PLAC8L1: variants seen among roughly 807,000 people sequenced by gnomAD.
PLAC8L1 encodes the protein PLAC8 like 1.
A neutral mutation model predicts 16.3 loss-of-function variants in PLAC8L1; 13 were observed. The observed-to-expected ratio is 0.80, with a 90% CI of 0.52 to 1.27. The LOEUF is 1.27. Ranked by LOEUF, PLAC8L1 falls within the 50% of genes most tolerant of loss-of-function variation. PLAC8L1 has a pLI of 0.00. For missense variants in PLAC8L1, 184 were observed against 220.2 expected, an observed-to-expected ratio of 0.84 and a Z score of 1.04; for synonymous variants, 78 against 79.3, an observed-to-expected ratio of 0.98 and a Z score of 0.09.
intron 2 of PLAC8L1, among the ~76,000 whole-genome samples, chr5:146,086,713 C>T (rs1296487548): frequency 1.3e-5 from 2 of 152,088 alleles, no homozygotes; most frequent in African/African-American, 4.8e-5. Flanking sequence ...TTCATGTATC[C>T]ACTGAAAATT....
At chr5:146,087,013 T>C (rs1300955117) in intron 2 of PLAC8L1, among the ~76,000 whole-genome samples, 1 of 152,088 alleles carries the variant, frequency 6.6e-6, no homozygotes, top group Non-Finnish European at 1.5e-5. Flanking sequence ...AGAGCTCCTG[T>C]GTCCTTTTCC....
intron 2 of PLAC8L1, among the ~76,000 whole-genome samples, chr5:146,094,001 ACT>A (rs758083355): frequency 6.0e-5 from 9 of 150,844 alleles, no homozygotes; most frequent in Non-Finnish European, 1.2e-4. Flanking sequence ...CTTTCATAAC[ACT>A]CTGTTTAATT....
intron 1 of PLAC8L1, chr5:146,103,678 A>T: frequency 1.0e-6 from 1 of 985,316 alleles, no homozygotes; most frequent in Non-Finnish European, 1.2e-6. Context: ...GATGGATGAG[A>T]TACATACTTT....
In PLAC8L1 at chr5:146,084,327, T is replaced by C; in HGVS notation, c.*105A>G. The C allele has an allele frequency of 2.2e-6, 3 of 1,390,222 alleles. No homozygotes were observed. Among genetic ancestry groups the C allele is most frequent in the Non-Finnish European group, 3.0e-6 (3 of 1,016,646 alleles). 86.1% of individuals were successfully genotyped at this position (1,390,222 alleles called of 1,614,324 possible). Reference sequence around the variant, plus strand: ...AGTAGAGACAGTAGGGGGGAAATCATTTATTTTCATACCATTTCAGTAAAA... The same window carrying C: ...AGTAGAGACAGTAGGGGGGAAATCACTTATTTTCATACCATTTCAGTAAAA... On this transcript the variant is annotated 3_prime_UTR_variant, in exon 4 of 4. Transcript: ENST00000311450.
intron 3 of PLAC8L1, 146 bp from the exon 4 acceptor site, chr5:146,084,718 G>T: frequency 9.8e-7 from 1 of 1,024,380 alleles, no homozygotes; most frequent in Non-Finnish European, 1.4e-6. Context: ...GGGACACTAA[G>T]TTGCATAAGT....
At chr5:146,103,965 A>C in intron 1 of PLAC8L1, 1 of 985,450 alleles carries the variant, frequency 1.0e-6, no homozygotes, top group Non-Finnish European at 1.2e-6. Context: ...ACATTTTAAG[A>C]ATAAAGAGAT....
At chr5:146,085,821 C>A (rs1007571445) in intron 2 of PLAC8L1, among the ~76,000 whole-genome samples, 8 of 152,112 alleles carry the variant, frequency 5.3e-5, no homozygotes, top group Non-Finnish European at 8.8e-5. Flanking sequence ...CAAAGATGAA[C>A]CTGATACAAT....
intron 1 of PLAC8L1, chr5:146,103,800 T>C (rs535567096): frequency 3.0e-6 from 3 of 985,438 alleles, no homozygotes; most frequent in African/African-American, 1.7e-5. Context: ...TCTTCCGTAA[T>C]CACACTTGGA....
rs759177823 is a variant in PLAC8L1 at position 146,104,223 on chromosome 5, G to A, written c.89C>T (p.Ser30Phe). The change falls in exon 1 of 4, where the codon TCT (serine) becomes TTT (phenylalanine). Residue 30 changes from serine (S) to phenylalanine (F), a missense_variant. Transcript: ENST00000311450. ...GTTGGAAATAAAATGTTCATCTTCA[G>A]ATGACATGTGTGACAACAGAGGTGA... ...IYSPLLSHMSSEDEHFISNLR... is the reference protein window; with the variant it reads ...IYSPLLSHMSFEDEHFISNLR... 4.3e-6 allele frequency: 7 copies of A among 1,613,876 alleles called. No individual in the cohort carries two copies. The highest frequency in any genetic ancestry group is 5.9e-6 in the Non-Finnish European group (7 of 1,179,866).
chr5:146,097,216 T>G (rs1464819807), intron 2 of PLAC8L1, among the ~76,000 whole-genome samples: 1 of 152,052 alleles, frequency 6.6e-6, no homozygotes, highest in African/African-American at 2.4e-5. Flanking sequence ...TGTCCTCAGG[T>G]AAAAATAGAA....
In PLAC8L1 at chr5:146,098,193, G is replaced by C. The variant is rs1763747315; in HGVS notation, c.219C>G (p.Ser73Arg). 6.2e-7 allele frequency: 1 copy of C among 1,613,982 alleles called. No homozygotes were observed. Among genetic ancestry groups the C allele is most frequent in the Non-Finnish European group, 8.5e-7 (1 of 1,179,952 alleles). Residue 73 changes from serine to arginine, a missense_variant, in exon 2 of 4, where the codon AGC becomes AGG. Ser to Arg is a moderately radical substitution (Grantham distance 110). Transcript: ENST00000311450. ...TAIVQTGGGW[S>R]TGLFSVCRDR... is the part of the protein sequence containing the mutation. ...CTCTGCAGACACTGAAGAGACCGGT[G>C]CTCCAGCCCCCGCCAGTCTGGACAA...
At chr5:146,093,382 T>G (rs1763654778) in intron 2 of PLAC8L1, among the ~76,000 whole-genome samples, 1 of 152,116 alleles carries the variant, frequency 6.6e-6, no homozygotes, top group East Asian at 1.9e-4. Context: ...AAATAATTTT[T>G]TAAGGTGCTG....
chr5:146,099,051 G>A (rs539339660), intron 1 of PLAC8L1, among the ~76,000 whole-genome samples: 29 of 152,260 alleles, frequency 1.9e-4, no homozygotes, highest in East Asian at 5.8e-4. Flanking sequence ...CTTCAAAAGC[G>A]AGGTAAGGAA....
In PLAC8L1 at chr5:146,105,529, A is replaced by AT. The variant is rs1763894609; in HGVS notation, c.-1219dup. Among the ~76,000 whole-genome samples, 1 of 145,614 alleles carries AT rather than the reference A, an allele frequency of 6.9e-6. No homozygotes were observed. The highest frequency in any genetic ancestry group is 1.5e-5 in the Non-Finnish European group (1 of 66,620). On this transcript the variant is annotated 5_prime_UTR_variant, in exon 1 of 4. Coordinates refer to ENST00000311450, the MANE Select transcript of PLAC8L1 (RefSeq NM_001029869.3). ...TTGAATAAATGTGCCCTACATGAAA[A>AT]TTCAGGTTTATAAGAATAACAGAAA... is the stretch of plus-strand genomic sequence containing the variant.
intron 1 of PLAC8L1, among the ~76,000 whole-genome samples, chr5:146,099,849 G>A (rs1334926896): frequency 6.6e-6 from 1 of 151,958 alleles, no homozygotes; most frequent in Non-Finnish European, 1.5e-5. Flanking sequence ...GGAATTTCAT[G>A]GTATTATAGT....
At chr5:146,100,814 A>T (rs1219204496) in intron 1 of PLAC8L1, among the ~76,000 whole-genome samples, 1 of 152,160 alleles carries the variant, frequency 6.6e-6, no homozygotes, top group African/African-American at 2.4e-5. Context: ...TTGAAGTTCT[A>T]GCCCCCAGTG....
Position 146,091,353 on chromosome 5 carries a change from T to C in PLAC8L1, c.257-5756A>G, listed in dbSNP as rs376580809. Among the ~76,000 whole-genome samples the C allele has an allele frequency of 3.3e-5, 5 of 152,180 alleles. No homozygotes were observed. The East Asian group carries it at 7.7e-4, about 23-fold the overall frequency. ...AGGCTGAAGTACAAATAAACTATAA[T>C]GGTATAACTATACATACTGTGGAAC... On this transcript the variant is annotated intron_variant, in intron 2 of 3. Transcript: ENST00000311450.
intron 2 of PLAC8L1, among the ~76,000 whole-genome samples, chr5:146,097,338 A>G (rs568668618): frequency 9.2e-5 from 14 of 152,348 alleles, no homozygotes; most frequent in African/African-American, 1.4e-4. Flanking sequence ...AAAGATTTCA[A>G]TCAAGGAAGG....
In PLAC8L1 at chr5:146,087,814, G is replaced by T. The variant is rs146356994; in HGVS notation, c.257-2217C>A. ...AGTAAGCATAGCAGCTTCTGCTTCT[G>T]GGGAGGCCTCAGAAAACTTACAAAC... On this transcript the variant is annotated intron_variant, in intron 2 of 3. Coordinates refer to ENST00000311450, the MANE Select transcript of PLAC8L1 (RefSeq NM_001029869.3). 2.2e-3 allele frequency among the ~76,000 whole-genome samples: 334 copies of T among 152,284 alleles called. 3 individuals are homozygous for T. Among genetic ancestry groups the T allele is most frequent in the African/African-American group, 7.8e-3 (325 of 41,556 alleles).
Sources: gnomAD v4.1 joint callset for allele counts (sites outside exome capture counted in the v4.1 genomes callset) on GRCh38, gnomAD v4.1.1 for gene constraint, MANE v1.5 for transcripts, NCBI Gene and HGNC (gene_info 2026-07-23, HGNC 2026-07-21) for gene names.